GRB2: variants seen among roughly 807,000 people sequenced by gnomAD.
GRB2 encodes the protein growth factor receptor-bound protein 2.
GRB2 carries 2 observed loss-of-function variants against 27.4 expected under a neutral mutation model. The ratio of observed to expected loss-of-function variants is 0.07; its 90% CI spans 0.03 to 0.23. GRB2 has a LOEUF of 0.23. Among genes scored for constraint, GRB2 ranks in the 10% least tolerant of loss-of-function variants. The pLI, the probability that GRB2 is intolerant of heterozygous loss-of-function variation, is 1.00. For missense variants in GRB2, 102 were observed against 282.4 expected (o/e 0.36, Z 4.58); for synonymous variants, 94 against 99.6 (o/e 0.94, Z 0.33).
intron 1 of GRB2, among the ~76,000 whole-genome samples, chr17:75,404,183 C>G (rs1387631228): frequency 6.6e-6 from 1 of 151,866 alleles, no homozygotes; most frequent in Non-Finnish European, 1.5e-5. Flanking sequence ...CATAAGCAGG[C>G]ACAGAAGCAT....
At position 75,329,685 on chromosome 17, in the gene GRB2, T is replaced by C. The variant is rs574804986; in HGVS notation, c.176+3015A>G. Among the ~76,000 whole-genome samples, 9 of 151,872 alleles carry C rather than the reference T, an allele frequency of 5.9e-5. No homozygotes were observed. In the East Asian group the frequency reaches 1.4e-3, roughly 23 times the overall value. ...AGGTGGGAGGATTGCTTAAGCCCAGTAGATCAAGACCAGCCCGGGCAACAC... is the reference window on the plus strand; with the variant it reads ...AGGTGGGAGGATTGCTTAAGCCCAGCAGATCAAGACCAGCCCGGGCAACAC... On this transcript the variant is annotated intron_variant, in intron 3 of 5. Transcript: ENST00000316804.
intron 2 of GRB2, among the ~76,000 whole-genome samples, chr17:75,368,917 C>A (rs961677771): frequency 6.6e-6 from 1 of 152,188 alleles, no homozygotes; most frequent in Admixed American, 6.5e-5. Flanking sequence ...TTCTCATATA[C>A]TTGCTGTTTT....
At chr17:75,323,735 T>G (rs553351476) in intron 4 of GRB2, among the ~76,000 whole-genome samples, 7 of 152,224 alleles carry the variant, frequency 4.6e-5, no homozygotes, top group African/African-American at 1.7e-4. Context: ...CCCCTCATCT[T>G]ATAAGGTTTC....
intron 2 of GRB2, chr17:75,373,674 A>C (rs2078870485): frequency 6.6e-6 from 1 of 152,184 alleles, no homozygotes; most frequent in African/African-American, 2.4e-5. Flanking sequence ...AAGCTCTTAA[A>C]ACAGGGTATT....
chr17:75,353,291 C>T (rs1359053783), intron 2 of GRB2, among the ~76,000 whole-genome samples: 1 of 152,012 alleles, frequency 6.6e-6, no homozygotes, highest in African/African-American at 2.4e-5. Context: ...ACAGTTGGCC[C>T]TCTGCGTAAG....
At position 75,341,333 on chromosome 17, in the gene GRB2, TGAGGCAGGAGAATCGCTTG is replaced by T. The variant is rs370907567; in HGVS notation, c.79-8555_79-8537del. Among the ~76,000 whole-genome samples the T allele has an allele frequency of 6.0e-3, 904 of 150,534 alleles. 11 individuals carry two copies. Among genetic ancestry groups the T allele is most frequent in the Middle Eastern group, 0.021 (6 of 288 alleles). ...CTGTAATCCCAGCTACTCAGGAGGCTGAGGCAGGAGAATCGCTTGGAGGCAGGAGAATCGCTTGAAACCA... is the reference window on the plus strand; with the variant it reads ...CTGTAATCCCAGCTACTCAGGAGGCTGAGGCAGGAGAATCGCTTGAAACCA... On this transcript the variant is annotated intron_variant, in intron 2 of 5. Transcript: ENST00000316804.
intron 2 of GRB2, among the ~76,000 whole-genome samples, chr17:75,355,608 TAA>T (rs772895105): frequency 2.9e-4 from 36 of 125,076 alleles, no homozygotes; most frequent in Admixed American, 4.8e-4. Flanking sequence ...CTGATGAGCT[TAA>T]AAAAAAAAAA....
intron 3 of GRB2, chr17:75,326,256 G>A (rs2078497997): frequency 1.9e-6 from 1 of 533,066 alleles, no homozygotes; most frequent in Admixed American, 3.1e-5. Context: ...CTAACCGTGG[G>A]TCACTCTTTC....
At chr17:75,397,841 ATTTAT>A (rs2079037798) in intron 1 of GRB2, among the ~76,000 whole-genome samples, 1 of 151,368 alleles carries the variant, frequency 6.6e-6, no homozygotes, top group Admixed American at 6.6e-5. Flanking sequence ...TTATTTATTT[ATTTAT>A]TTATTTATTT....
chr17:75,380,988 G>A (rs1426106724), intron 2 of GRB2, among the ~76,000 whole-genome samples: 1 of 152,150 alleles, frequency 6.6e-6, no homozygotes, highest in Non-Finnish European at 1.5e-5. Context: ...CTCACTTAAG[G>A]TCATCTTAAG....
intron 2 of GRB2, among the ~76,000 whole-genome samples, chr17:75,385,029 CAAAAAA>C (rs58860615): frequency 4.3e-4 from 24 of 55,322 alleles, no homozygotes; most frequent in African/African-American, 1.8e-3. Flanking sequence ...CTGGCTCTAC[CAAAAAA>C]AAAAAAAAAA....
Position 75,318,615 on chromosome 17 carries a change from T to A in GRB2, c.*1753A>T, listed in dbSNP as rs2145814038. The A allele has an allele frequency of 6.6e-6, 1 of 152,414 alleles. No individual in the cohort carries two copies. The highest frequency in any genetic ancestry group is 2.4e-5 in the African/African-American group (1 of 41,540). The allele number at this position is 152,414 out of a possible 1,614,324, so 9.4% of individuals were successfully genotyped here. A position where few individuals can be genotyped will look rare whatever the true frequency, so the allele number is the denominator to read the frequency against. Reference sequence around the variant, plus strand: ...AGTTCTGCCGAGGCCTTGGTCTTCCTGTCTTTCCAATCTTGCCTTCCCCAA... The same window carrying A: ...AGTTCTGCCGAGGCCTTGGTCTTCCAGTCTTTCCAATCTTGCCTTCCCCAA... On this transcript the variant is annotated 3_prime_UTR_variant, in exon 6 of 6. Transcript: ENST00000316804.
At chr17:75,373,321 A>G (rs2078868177) in intron 2 of GRB2, 1 of 152,210 alleles carries the variant, frequency 6.6e-6, no homozygotes, top group Non-Finnish European at 1.5e-5. Context: ...GGAGGTACTT[A>G]TCTATAGCCT....
At chr17:75,387,852 T>C (rs1241096129) in intron 2 of GRB2, 1 of 151,704 alleles carries the variant, frequency 6.6e-6, no homozygotes, top group Admixed American at 6.6e-5. Context: ...AATTCTACCA[T>C]ATGGTTTAGA....
intron 2 of GRB2, among the ~76,000 whole-genome samples, chr17:75,353,807 G>A (rs1338335325): frequency 2.6e-5 from 4 of 151,966 alleles, no homozygotes; most frequent in African/African-American, 7.3e-5. Context: ...GGGAGGCCGA[G>A]GCAGGCGGAT....
chr17:75,327,085 T>G (rs2078503341), intron 3 of GRB2, among the ~76,000 whole-genome samples: 1 of 150,826 alleles, frequency 6.6e-6, no homozygotes, highest in Non-Finnish European at 1.5e-5. Flanking sequence ...TTTTTTTTTT[T>G]TTTGAGGAGT....
chr17:75,329,513 A>G (rs1466391292), intron 3 of GRB2, among the ~76,000 whole-genome samples: 2 of 152,226 alleles, frequency 1.3e-5, no homozygotes, highest in Admixed American at 6.5e-5. Context: ...AGTACAAATT[A>G]TAATGTTTAA....
At chr17:75,328,549 A>G (rs1447241023) in intron 3 of GRB2, among the ~76,000 whole-genome samples, 1 of 151,962 alleles carries the variant, frequency 6.6e-6, no homozygotes, top group African/African-American at 2.4e-5. Flanking sequence ...CTGAGGCAGG[A>G]GAATCGCTTG....
chr17:75,387,255 C>T (rs1363311162), intron 2 of GRB2, among the ~76,000 whole-genome samples: 2 of 151,590 alleles, frequency 1.3e-5, no homozygotes, highest in Non-Finnish European at 2.9e-5. Flanking sequence ...GCCAGGAGTT[C>T]GAGACTAACC....
Sources: allele counts gnomAD v4.1 joint callset (sites outside exome capture counted in the v4.1 genomes callset), GRCh38; gene constraint gnomAD v4.1.1; transcripts MANE v1.5; gene names NCBI Gene and HGNC (gene_info 2026-07-23, HGNC 2026-07-21).